Variants in NCKAP5 observed in about 807,000 individuals in gnomAD.
NCKAP5 encodes nck-associated protein 5.
Under a neutral mutation model 167.0 loss-of-function variants are expected in NCKAP5, and 92 were observed. The observed-to-expected ratio is 0.55, with a 90% CI of 0.47 to 0.66. The LOEUF (loss-of-function observed/expected upper bound fraction) is 0.66, where lower values mean the gene tolerates loss of function less well. Ranked by LOEUF, NCKAP5 falls within the 30% of genes least tolerant of loss-of-function variation. The pLI is 0.00. For synonymous variants in NCKAP5, 891 were observed against 877.4 expected (o/e 1.02, Z -0.27); for missense variants, 2,378 against 2,315.0 (o/e 1.03, Z -0.56).
intron 5 of NCKAP5, among the ~76,000 whole-genome samples, chr2:133,181,626 A>AAAAAAAAAAAAAAAAAC (rs2084741258): frequency 6.8e-6 from 1 of 145,994 alleles, no homozygotes; most frequent in Non-Finnish European, 1.5e-5. Flanking sequence ...AAAAAAAAAA[A>AAAAAAAAAAAAAAAAAC]AATTAGCCAG....
At chr2:132,985,094 G>T (rs2149279755) in intron 7 of NCKAP5, among the ~76,000 whole-genome samples, 1 of 152,036 alleles carries the variant, frequency 6.6e-6, no homozygotes, top group Middle Eastern at 3.4e-3. Flanking sequence ...CTCACCTGTA[G>T]TAAGAGAAGG....
chr2:133,012,219 C>T (rs2078182914), intron 6 of NCKAP5, among the ~76,000 whole-genome samples: 1 of 152,134 alleles, frequency 6.6e-6, no homozygotes, highest in South Asian at 2.1e-4. Context: ...TTCAATCTGA[C>T]TTTCCCCTGA....
At chr2:133,470,232 C>G (rs1477032194) in intron 3 of NCKAP5, among the ~76,000 whole-genome samples, 2 of 152,050 alleles carry the variant, frequency 1.3e-5, no homozygotes, top group Admixed American at 1.3e-4. Flanking sequence ...TTCTAACAGA[C>G]AGGACCCTCA....
intron 8 of NCKAP5, among the ~76,000 whole-genome samples, chr2:132,907,712 C>T (rs1391727861): frequency 6.6e-6 from 1 of 151,904 alleles, no homozygotes; most frequent in African/African-American, 2.4e-5. Flanking sequence ...GGCTGGAGTT[C>T]AGTGGCACGA....
intron 3 of NCKAP5, among the ~76,000 whole-genome samples, chr2:133,460,167 A>T (rs1239067214): frequency 6.6e-6 from 1 of 152,172 alleles, no homozygotes; most frequent in Admixed American, 6.5e-5. Context: ...TCCAACACTA[A>T]CAAGGAAATT....
intron 3 of NCKAP5, among the ~76,000 whole-genome samples, chr2:133,480,606 A>G (rs566219337): frequency 1.8e-4 from 27 of 152,308 alleles, no homozygotes; most frequent in Non-Finnish European, 2.5e-4. Flanking sequence ...TGTCTCTTCA[A>G]TCCCTTGGGT....
At chr2:132,793,955 T>C (rs1291233641) in intron 12 of NCKAP5, among the ~76,000 whole-genome samples, 2 of 151,960 alleles carry the variant, frequency 1.3e-5, no homozygotes, top group Non-Finnish European at 2.9e-5. Context: ...TCACATAGGA[T>C]TATCTACTGC....
At chr2:132,761,054 CT>C (rs1206296646) in intron 16 of NCKAP5, among the ~76,000 whole-genome samples, 2 of 151,922 alleles carry the variant, frequency 1.3e-5, no homozygotes, top group African/African-American at 4.8e-5. Context: ...TTTTCCCCCT[CT>C]TTTTTCCCCA....
At chr2:133,349,588 T>A (rs1209822279) in intron 3 of NCKAP5, among the ~76,000 whole-genome samples, 1 of 152,244 alleles carries the variant, frequency 6.6e-6, no homozygotes, top group Non-Finnish European at 1.5e-5. Flanking sequence ...TTGGTGCCAT[T>A]AGCTTGTCAT....
At chr2:132,936,881 G>A (rs888783078) in intron 8 of NCKAP5, among the ~76,000 whole-genome samples, 1 of 152,142 alleles carries the variant, frequency 6.6e-6, no homozygotes, top group East Asian at 1.9e-4. Context: ...AATGAAATGA[G>A]GGTTTGTGTG....
the NCKAP5 span, among the ~76,000 whole-genome samples, chr2:133,577,502 TTTTTTAATAGGA>T: frequency 6.6e-6 from 1 of 152,194 alleles, no homozygotes; most frequent in African/African-American, 2.4e-5. Context: ...TTTTCTTCTT[TTTTTTAATAGGA>T]TTTTTAAATT....
chr2:132,672,905 AG>A lies in NCKAP5; in HGVS notation c.*383del, dbSNP rs1683922596. The A allele has an allele frequency of 1.0e-6, 1 of 958,482 alleles. No individual in the cohort carries two copies. The highest frequency in any genetic ancestry group is 1.2e-6 in the Non-Finnish European group (1 of 804,188). The allele number at this position is 958,482 out of a possible 1,614,324, so 59.4% of individuals were successfully genotyped here. A position where few individuals can be genotyped will look rare whatever the true frequency, so the allele number is the denominator to read the frequency against. On this transcript the variant is annotated 3_prime_UTR_variant, in exon 20 of 20. Coordinates refer to ENST00000409261, the MANE Select transcript of NCKAP5 (RefSeq NM_207363.3). ...TGGGTTGCCTGCTGTGAATTTGACA[AG>A]GAAGGCTCTGGTACTGCAATAGTTT...
chr2:133,268,504 A>G (rs1368746885), intron 4 of NCKAP5: 1 of 119,874 alleles, frequency 8.3e-6, no homozygotes, highest in Non-Finnish European at 1.7e-5. Flanking sequence ...TTTTTTTGAG[A>G]CGGAGTCTCG....
At chr2:133,143,092 G>A (rs979473638) in intron 5 of NCKAP5, among the ~76,000 whole-genome samples, 3 of 148,764 alleles carry the variant, frequency 2.0e-5, no homozygotes, top group South Asian at 2.1e-4. Context: ...TATTAAAAAC[G>A]TGTTTTTTTT....
intron 11 of NCKAP5, among the ~76,000 whole-genome samples, chr2:132,810,482 T>C (rs1255903087): frequency 1.3e-5 from 2 of 152,204 alleles, no homozygotes; most frequent in Non-Finnish European, 2.9e-5. Flanking sequence ...TATTCTTTTT[T>C]TCATTGTCTT....
intron 2 of NCKAP5, among the ~76,000 whole-genome samples, chr2:133,550,446 T>C (rs925587511): frequency 4.0e-5 from 6 of 151,798 alleles, no homozygotes; most frequent in African/African-American, 7.3e-5. Flanking sequence ...GTTCAATATA[T>C]GCAAATCAAT....
chr2:132,905,514 C>T (rs1186991051), intron 8 of NCKAP5, among the ~76,000 whole-genome samples: 1 of 152,128 alleles, frequency 6.6e-6, no homozygotes, highest in African/African-American at 2.4e-5. Flanking sequence ...ATTTTTTCTA[C>T]TTGTCAAGAT....
chr2:133,214,010 T>C (rs1197410727), intron 4 of NCKAP5, among the ~76,000 whole-genome samples: 8 of 152,220 alleles, frequency 5.3e-5, no homozygotes, highest in Non-Finnish European at 4.4e-5. Flanking sequence ...AAACGTTAAA[T>C]GGTGAGTAGA....
At chr2:132,820,009 C>T (rs1686585062) in intron 11 of NCKAP5, among the ~76,000 whole-genome samples, 1 of 152,008 alleles carries the variant, frequency 6.6e-6, no homozygotes, top group African/African-American at 2.4e-5. Flanking sequence ...TTTTCAGAAC[C>T]ACAGGATATT....
Sources: gnomAD v4.1 joint callset for allele counts (sites outside exome capture counted in the v4.1 genomes callset) on GRCh38, gnomAD v4.1.1 for gene constraint, MANE v1.5 for transcripts, NCBI Gene and HGNC (gene_info 2026-07-23, HGNC 2026-07-21) for gene names.